CES5A: variants seen among roughly 807,000 people sequenced by gnomAD.
CES5A encodes the protein carboxylesterase 5A.
CES5A carries 67 observed loss-of-function variants against 62.9 expected under a neutral mutation model. That is an observed-to-expected ratio of 1.07 (90% CI 0.88 to 1.31). The LOEUF (loss-of-function observed/expected upper bound fraction) is 1.31. Among genes scored for constraint, CES5A ranks in the 50% most tolerant of loss-of-function variants. The pLI is 0.00. For synonymous variants in CES5A, 296 were observed against 280.8 expected (o/e 1.05, Z -0.54); for missense variants, 748 against 708.5 (o/e 1.06, Z -0.63).
chr16:55,850,827 G>A (rs1279607948), intron 10 of CES5A, among the ~76,000 whole-genome samples: 1 of 152,104 alleles, frequency 6.6e-6, no homozygotes, highest in Non-Finnish European at 1.5e-5. Flanking sequence ...TGGCTGCACT[G>A]TTTTATGTCC....
chr16:55,857,289 T>G (rs1410340372), intron 8 of CES5A, among the ~76,000 whole-genome samples: 3 of 152,184 alleles, frequency 2.0e-5, no homozygotes, highest in Non-Finnish European at 4.4e-5. Context: ...ACTGAGCGAG[T>G]TGATATTTGT....
At chr16:55,883,386 C>A (rs1253946791) in intron 1 of CES5A, among the ~76,000 whole-genome samples, 2 of 152,178 alleles carry the variant, frequency 1.3e-5, no homozygotes, top group Non-Finnish European at 2.9e-5. Flanking sequence ...ATTCTCCTGC[C>A]TCAGCCTCCC....
intron 2 of CES5A, among the ~76,000 whole-genome samples, chr16:55,943,134 A>G (rs2034461765): frequency 6.6e-6 from 1 of 152,232 alleles, no homozygotes; most frequent in Non-Finnish European, 1.5e-5. Flanking sequence ...AACATTTTAG[A>G]GTTGCGCATT....
upstream of CES5A, among the ~76,000 whole-genome samples, chr16:55,877,422 A>G (rs6416764): frequency 0.25 from 36,617 of 146,968 alleles, 5,036 homozygotes; most frequent in Non-Finnish European, 0.31. Flanking sequence ...GTGTGTGTGT[A>G]TATATATATA....
At chr16:55,886,678 A>G (rs1283501765) in intron 1 of CES5A, among the ~76,000 whole-genome samples, 2 of 152,148 alleles carry the variant, frequency 1.3e-5, no homozygotes, top group Admixed American at 6.5e-5. Context: ...TTTGGTAACA[A>G]GTTGGTTATG....
chr16:55,873,733 C>A (rs529225957), intron 2 of CES5A, 100 bp downstream of exon 2: 1 of 1,077,236 alleles, frequency 9.3e-7, no homozygotes, highest in South Asian at 1.5e-5. Context: ...CCTCCTCCCC[C>A]ATCCATGCCA....
intron 1 of CES5A, among the ~76,000 whole-genome samples, chr16:55,890,024 C>A (rs900373643): frequency 3.3e-5 from 5 of 152,090 alleles, no homozygotes; most frequent in Admixed American, 3.3e-4. Context: ...ACCTTCCAGC[C>A]AGGAAAGCAT....
intron 1 of CES5A, among the ~76,000 whole-genome samples, chr16:55,902,933 G>T (rs1455612180): frequency 6.6e-6 from 1 of 152,146 alleles, no homozygotes; most frequent in East Asian, 1.9e-4. Context: ...AAATAGGAGA[G>T]ATCAGAAGAA....
chr16:55,896,454 C>A (rs116519640), intron 1 of CES5A, among the ~76,000 whole-genome samples: 1 of 152,200 alleles, frequency 6.6e-6, no homozygotes, highest in African/African-American at 2.4e-5. Flanking sequence ...AGCCAGAGGT[C>A]CTCATCAGAT....
At position 55,948,247 on chromosome 16, in the gene CES5A, C is replaced by T. The variant is rs181026400; in HGVS notation, c.160+1538G>A. On this transcript the variant is annotated intron_variant, in intron 2 of 13. Coordinates refer to the CES5A transcript ENST00000521992. The stretch of plus-strand genomic sequence containing the variant: ...TTTAACAGGGAAAAGATGGGCAGGC[C>T]GAGAAAGGAGGGAAAAAAAAGAGGG... Among the ~76,000 whole-genome samples the T allele has an allele frequency of 2.5e-4, 38 of 151,518 alleles. 2 individuals carry two copies. In the East Asian group the frequency reaches 3.7e-3, roughly 15 times the overall value.
chr16:55,930,927 C>CA (rs1305101623), intron 2 of CES5A, among the ~76,000 whole-genome samples: 23 of 151,840 alleles, frequency 1.5e-4, no homozygotes, highest in African/African-American at 4.6e-4. Context: ...ACAAAAAAAA[C>CA]AAAAAAAATT....
upstream of CES5A, among the ~76,000 whole-genome samples, chr16:55,929,857 T>C (rs1028065338): frequency 5.9e-5 from 9 of 152,216 alleles, no homozygotes; most frequent in African/African-American, 9.6e-5. Flanking sequence ...CAGAAATCTA[T>C]CTTAAGTACT....
Position 55,937,463 on chromosome 16 carries a change from G to A in CES5A, c.160+12322C>T, listed in dbSNP as rs544250459. Among the ~76,000 whole-genome samples the A allele has an allele frequency of 1.6e-4, 25 of 152,154 alleles. No homozygotes were observed. The South Asian group carries it at 2.5e-3, about 15-fold the overall frequency. On this transcript the variant is annotated intron_variant, in intron 2 of 13. Coordinates refer to the CES5A transcript ENST00000521992. ...GACTTCCACTCACATTCCATTGCCCGCAGCAAGTGGCATGCTTCTGGTTGC... is the reference window on the plus strand; with the variant it reads ...GACTTCCACTCACATTCCATTGCCCACAGCAAGTGGCATGCTTCTGGTTGC...
intron 2 of CES5A, among the ~76,000 whole-genome samples, chr16:55,931,117 G>C (rs2034306934): frequency 6.6e-6 from 1 of 152,096 alleles, no homozygotes; most frequent in Admixed American, 6.5e-5. Context: ...ACAGAATCAG[G>C]GTTCTTGACT....
intron 2 of CES5A, among the ~76,000 whole-genome samples, chr16:55,873,197 A>G (rs1489258002): frequency 6.6e-6 from 1 of 152,058 alleles, no homozygotes; most frequent in Non-Finnish European, 1.5e-5. Context: ...CCCCTCCACA[A>G]TTAACCTGGT....
chr16:55,857,687 C>G (rs1361789135), intron 8 of CES5A, among the ~76,000 whole-genome samples: 1 of 152,186 alleles, frequency 6.6e-6, no homozygotes, highest in East Asian at 1.9e-4. Context: ...ATTTCAGCAC[C>G]CACACAGGCT....
Position 55,911,769 on chromosome 16 carries a change from G to A in CES5A, c.-256+13554C>T, listed in dbSNP as rs574566061. ...AAGAGACTGACCCAACTCACATAGA[G>A]AGCAAAACGCAGAACTGGGCCAGAA... is the stretch of plus-strand genomic sequence containing the variant. On this transcript the variant is annotated intron_variant, in intron 1 of 12. Coordinates refer to the CES5A transcript ENST00000518005. Among the ~76,000 whole-genome samples the A allele has an allele frequency of 3.3e-5, 5 of 152,178 alleles. No individual in the cohort carries two copies. The East Asian group carries it at 5.8e-4, about 18-fold the overall frequency.
Position 55,863,218 on chromosome 16 carries a change from A to G in CES5A, c.810+130T>C, listed in dbSNP as rs2033389192. Reference sequence around the variant, plus strand: ...GACCTTTCACGGAGGAACAAGGTTCACCTTGGGCCAGCATGAGGTGCCTTG... The same window carrying G: ...GACCTTTCACGGAGGAACAAGGTTCGCCTTGGGCCAGCATGAGGTGCCTTG... On this transcript the variant is annotated intron_variant, in intron 6 of 12. Coordinates refer to ENST00000290567, the MANE Select transcript of CES5A (RefSeq NM_001143685.2). The G allele has an allele frequency of 7.5e-6, 5 of 665,252 alleles. No individual in the cohort carries two copies. The Admixed American group carries it at 9.5e-5, about 13-fold the overall frequency. The allele number at this position is 665,252 out of a possible 1,614,324, so 41.2% of individuals were successfully genotyped here. A position where few individuals can be genotyped will look rare whatever the true frequency, so the allele number is the denominator to read the frequency against.
rs1318970492 is a variant in CES5A at position 55,859,526 on chromosome 16, A to G, written c.1056+21T>C. The G allele has an allele frequency of 7.5e-6, 12 of 1,607,318 alleles. No individual in the cohort carries two copies. The African/African-American group carries it at 1.1e-4, about 14-fold the overall frequency. On this transcript the variant is annotated intron_variant, in intron 8 of 12. Transcript: ENST00000290567. ...CATCACGGTTTGAGGGAGTGGCAGT[A>G]TGGACAGCCAGAATTCTTACCATAG... is the stretch of plus-strand genomic sequence containing the variant.
Sources: gnomAD v4.1 joint callset for allele counts (sites outside exome capture counted in the v4.1 genomes callset) on GRCh38, gnomAD v4.1.1 for gene constraint, MANE v1.5 for transcripts, NCBI Gene and HGNC (gene_info 2026-07-23, HGNC 2026-07-21) for gene names.